Variants in ADCYAP1R1 observed in about 807,000 individuals in gnomAD.
ADCYAP1R1 encodes pituitary adenylate cyclase-activating polypeptide type I receptor.
In ADCYAP1R1, 44 loss-of-function variants were observed where a neutral mutation model predicts 67.6. The observed-to-expected ratio is 0.65, with a 90% CI of 0.51 to 0.84. The LOEUF (loss-of-function observed/expected upper bound fraction) is 0.84, where lower values mean the gene tolerates loss of function less well. Among genes scored for constraint, ADCYAP1R1 ranks in the 40% least tolerant of loss-of-function variants. ADCYAP1R1 has a pLI of 0.00. For missense variants in ADCYAP1R1, 477 were observed against 587.9 expected (o/e 0.81, Z 1.95); for synonymous variants, 222 against 219.6 (o/e 1.01, Z -0.10).
intron 5 of ADCYAP1R1, among the ~76,000 whole-genome samples, chr7:31,081,187 G>T (rs1275663866): frequency 6.6e-6 from 1 of 152,090 alleles, no homozygotes; most frequent in African/African-American, 2.4e-5. Flanking sequence ...CTAACAGGGG[G>T]TTTGGCATAA....
At chr7:31,103,887 G>C (rs1796537814) in intron 14 of ADCYAP1R1, among the ~76,000 whole-genome samples, 2 of 152,204 alleles carry the variant, frequency 1.3e-5, no homozygotes, top group East Asian at 3.8e-4. Flanking sequence ...AATGAGTAAG[G>C]GGCTAGGTGA....
rs757404870 is a variant in ADCYAP1R1, at chr7:31,064,849, G to C, written c.70G>C (p.Asp24His). 3 of 1,612,524 alleles carry C rather than the reference G, an allele frequency of 1.9e-6. No homozygotes were observed. The highest frequency in any genetic ancestry group is 2.5e-6 in the Non-Finnish European group (3 of 1,179,310). The change falls in exon 3 of 16, where the codon GAC becomes CAC. Residue 24 changes from aspartate (D) to histidine (H), a missense_variant. Physicochemically the swap from Asp to His is moderately conservative, Grantham distance 81. Transcript: ENST00000304166. The stretch of plus-strand genomic sequence containing the variant: ...CCTACAGGCCCCTGCCATGCATTCT[G>C]ACTGCATCTTCAAGAAGGAGCAAGC... ...LLPMAPAMHS[D>H]CIFKKEQAMC...
At chr7:31,085,583 C>T (rs1229933574) in intron 9 of ADCYAP1R1, 141 bp downstream of exon 9, 6 of 978,730 alleles carry the variant, frequency 6.1e-6, no homozygotes, top group Non-Finnish European at 8.7e-6. Context: ...CCCCACCCCC[C>T]CGGTTTATGT....
At chr7:31,094,083 T>C (rs1796084864) in intron 13 of ADCYAP1R1, among the ~76,000 whole-genome samples, 2 of 152,098 alleles carry the variant, frequency 1.3e-5, no homozygotes, top group Admixed American at 1.3e-4. Flanking sequence ...CAGCCAGGTT[T>C]TTTCTACCTA....
At chr7:31,069,607 G>C (rs969259360) in intron 3 of ADCYAP1R1, among the ~76,000 whole-genome samples, 6 of 152,176 alleles carry the variant, frequency 3.9e-5, no homozygotes, top group African/African-American at 1.2e-4. Context: ...TGTGTGTGTG[G>C]CTGGGGGGCT....
Position 31,065,316 on chromosome 7 carries a change from A to G in ADCYAP1R1, c.157+380A>G, listed in dbSNP as rs367973401. ...GAGCTGTACAGCACTTGGTCAACCC[A>G]GGGCAGGAAACGTGGGGTCCTTTCC... On this transcript the variant is annotated intron_variant, in intron 3 of 15. Transcript: ENST00000304166. Among the ~76,000 whole-genome samples the G allele has an allele frequency of 1.1e-3, 160 of 152,296 alleles. 1 individual carries two copies. Among genetic ancestry groups the G allele is most frequent in the African/African-American group, 3.5e-3 (145 of 41,586 alleles).
intron 8 of ADCYAP1R1, 69 bp from the exon 9 acceptor site, chr7:31,085,241 A>T (rs766689629): frequency 2.5e-5 from 39 of 1,557,870 alleles, no homozygotes; most frequent in Non-Finnish European, 3.2e-5. Context: ...CCCACCACAG[A>T]TGCCCACATG....
At chr7:31,090,248 T>A (rs1011958558) in intron 12 of ADCYAP1R1, among the ~76,000 whole-genome samples, 1 of 152,238 alleles carries the variant, frequency 6.6e-6, no homozygotes, top group Non-Finnish European at 1.5e-5. Context: ...TTTTCCCATC[T>A]TATTCAATTT....
In ADCYAP1R1 at chr7:31,078,050, G is replaced by T; in HGVS notation, c.217G>T (p.Val73Phe). The change falls in exon 4 of 16, where the codon GTC becomes TTC. Residue 73 changes from valine (V) to phenylalanine (F), a missense_variant. Val to Phe is a conservative substitution (Grantham distance 50). Transcript: ENST00000304166. ...GAAGCCCGCCCATGTGGGTGAGATG[G>T]TCCTGGTCAGCTGCCCTGAGCTCTT... is the stretch of plus-strand genomic sequence containing the variant. ...CWKPAHVGEMVLVSCPELFRI... is the reference protein window; with the variant it reads ...CWKPAHVGEMFLVSCPELFRI... 6.2e-7 allele frequency: 1 copy of T among 1,613,330 alleles called. No individual in the cohort carries two copies. The highest frequency in any genetic ancestry group is 8.5e-7 in the Non-Finnish European group (1 of 1,179,548).
chr7:31,060,014 C>T (rs1181965625), intron 1 of ADCYAP1R1, among the ~76,000 whole-genome samples: 1 of 152,048 alleles, frequency 6.6e-6, no homozygotes, highest in Non-Finnish European at 1.5e-5. Context: ...AGAAGAGGCA[C>T]CCTATTGAGA....
intron 4 of ADCYAP1R1, among the ~76,000 whole-genome samples, chr7:31,079,382 G>T (rs1258684655): frequency 6.6e-6 from 1 of 152,218 alleles, no homozygotes. Context: ...ATCAAGCCAT[G>T]GGCGGGGGCT....
Position 31,084,189 on chromosome 7 carries a change from C to A in ADCYAP1R1, c.377C>A (p.Pro126His), listed in dbSNP as rs1216589563. The A allele has an allele frequency of 6.2e-7, 1 of 1,614,146 alleles. No homozygotes were observed. The highest frequency in any genetic ancestry group is 1.1e-5 in the South Asian group (1 of 91,062). ...RNCTEDGWSEPFPHYFDACGF... is the reference protein window; with the variant it reads ...RNCTEDGWSEHFPHYFDACGF... Reference sequence around the variant, plus strand: ...TGCACGGAGGATGGCTGGTCGGAACCCTTCCCTCATTACTTTGATGCCTGT... The same window carrying A: ...TGCACGGAGGATGGCTGGTCGGAACACTTCCCTCATTACTTTGATGCCTGT... The change falls in exon 7 of 16, where the codon CCC (proline) becomes CAC (histidine). Residue 126 changes from proline to histidine, a missense_variant. By Grantham distance (77) the Pro-to-His change is moderately conservative. Coordinates refer to ENST00000304166, the MANE Select transcript of ADCYAP1R1 (RefSeq NM_001118.5).
intron 11 of ADCYAP1R1, 115 bp downstream of exon 11, chr7:31,087,118 G>A: frequency 2.4e-6 from 3 of 1,244,246 alleles, no homozygotes; most frequent in East Asian, 2.4e-5. Context: ...TCAATGCCAG[G>A]CCCAGACTAA....
chr7:31,090,882 C>A (rs1453155235), intron 12 of ADCYAP1R1, among the ~76,000 whole-genome samples: 1 of 152,270 alleles, frequency 6.6e-6, no homozygotes, highest in Admixed American at 6.5e-5. Context: ...ATGAACATAC[C>A]AATGCGTGTG....
intron 5 of ADCYAP1R1, 61 bp from the exon 6 acceptor site, chr7:31,081,652 G>A (rs773088517): frequency 7.1e-7 from 1 of 1,415,680 alleles, no homozygotes; most frequent in East Asian, 2.4e-5. Context: ...AGGGTGGAGA[G>A]TAAACAGTAG....
Position 31,086,855 on chromosome 7 carries a change from A to C in ADCYAP1R1, c.824-88A>C. ...GGAATTCCAAGTCTCATGGGGGAGC[A>C]ATAGCCTCTCGGAGCCCCAGGTCTA... On this transcript the variant is annotated intron_variant, in intron 10 of 15. Coordinates refer to ENST00000304166, the MANE Select transcript of ADCYAP1R1 (RefSeq NM_001118.5). The surrounding 1 kb of genome is among the most constrained non-coding windows in gnomAD (Gnocchi z 5.0). The C allele has an allele frequency of 7.3e-7, 1 of 1,379,262 alleles. No individual in the cohort carries two copies. Among genetic ancestry groups the C allele is most frequent in the Non-Finnish European group, 1.0e-6 (1 of 967,982 alleles). The allele number at this position is 1,379,262 out of a possible 1,614,324, so 85.4% of individuals were successfully genotyped here. A position where few individuals can be genotyped will look rare whatever the true frequency, so the allele number is the denominator to read the frequency against.
chr7:31,052,937 G>T (rs536367414), intron 1 of ADCYAP1R1, among the ~76,000 whole-genome samples: 1 of 152,224 alleles, frequency 6.6e-6, no homozygotes, highest in African/African-American at 2.4e-5. Flanking sequence ...CGCTGCGCTC[G>T]GGGCGGCCGA....
At chr7:31,071,054 A>T (rs1562634177) in intron 3 of ADCYAP1R1, among the ~76,000 whole-genome samples, 1 of 152,168 alleles carries the variant, frequency 6.6e-6, no homozygotes, top group Admixed American at 6.5e-5. Context: ...TAAAATGGGG[A>T]CCTTGTTCTA....
At position 31,090,855 on chromosome 7, in the gene ADCYAP1R1, C is replaced by T. The variant is rs1795936851; in HGVS notation, c.955-1789C>T. ...CTATGTGGGTCCCATGTCTTTGCTA[C>T]TGTGAATAGTGCTGTGATGAACATA... On this transcript the variant is annotated intron_variant, in intron 12 of 15. Transcript: ENST00000304166. 2.0e-5 allele frequency among the ~76,000 whole-genome samples: 3 copies of T among 152,174 alleles called. No homozygotes were observed. The South Asian group carries it at 6.2e-4, about 32-fold the overall frequency.
Sources: allele counts gnomAD v4.1 joint callset (sites outside exome capture counted in the v4.1 genomes callset), GRCh38; gene constraint gnomAD v4.1.1; non-coding constraint Gnocchi (gnomAD v3.1); transcripts MANE v1.5; gene names NCBI Gene and HGNC (gene_info 2026-07-23, HGNC 2026-07-21).